Variants in VWA8 observed in about 807,000 individuals in gnomAD.
VWA8 encodes the protein von Willebrand factor A domain containing 8.
VWA8 carries 221 observed loss-of-function variants against 241.5 expected under a neutral mutation model. The ratio of observed to expected loss-of-function variants is 0.91; its 90% CI spans 0.82 to 1.02. VWA8 has a LOEUF of 1.02. VWA8 is among the 50% of genes least tolerant of loss of function. The pLI is 0.00. For synonymous variants in VWA8, 852 were observed against 827.1 expected, an observed-to-expected ratio of 1.03 and a Z score of -0.52; for missense variants, 2,322 against 2,328.7, an observed-to-expected ratio of 1.00 and a Z score of 0.06.
At chr13:41,637,529 G>A (rs1307481807) in intron 37 of VWA8, among the ~76,000 whole-genome samples, 3 of 151,360 alleles carry the variant, frequency 2.0e-5, no homozygotes, top group East Asian at 1.9e-4. Context: ...AAACCTGCAC[G>A]TTGTGCACAT....
chr13:41,920,509 T>C (rs896119283), intron 2 of VWA8, among the ~76,000 whole-genome samples: 5 of 152,112 alleles, frequency 3.3e-5, no homozygotes, highest in African/African-American at 1.2e-4. Flanking sequence ...AGCTGGTTTT[T>C]TGAAAAGATC....
chr13:41,871,743 G>T (rs1873630498), intron 9 of VWA8, among the ~76,000 whole-genome samples: 1 of 152,056 alleles, frequency 6.6e-6, no homozygotes, highest in African/African-American at 2.4e-5. Flanking sequence ...CTTTGCTATT[G>T]TGAATAGTGC....
chr13:41,868,320 G>A (rs781749600), intron 10 of VWA8, 26 bp downstream of exon 10: 1 of 1,612,364 alleles, frequency 6.2e-7, no homozygotes, highest in South Asian at 1.1e-5. Flanking sequence ...GTATATCATA[G>A]AAAGAATAAA....
Position 41,778,042 on chromosome 13 carries a change from C to T in VWA8, c.2292G>A (p.Met764Ile), listed in dbSNP as rs2137929223. The change falls in exon 20 of 45, where the codon ATG becomes ATA. Residue 764 changes from methionine to isoleucine, a missense_variant. Coordinates refer to ENST00000379310, the MANE Select transcript of VWA8 (RefSeq NM_015058.2). ...GGAGAAAGTCTTTCAGCATATCTTC[C>T]ATCACTATCACATGCTAGAGAAAAA... Reference protein sequence around the residue: ...FYDNIQHVIVMEDMLKDFLLG... With the variant: ...FYDNIQHVIVIEDMLKDFLLG... The T allele has an allele frequency of 6.2e-7, 1 of 1,611,774 alleles. No individual in the cohort carries two copies. The highest frequency in any genetic ancestry group is 2.2e-5 in the East Asian group (1 of 44,652).
In VWA8 at chr13:41,749,448, A is replaced by C. The variant is rs183811353; in HGVS notation, c.2426+11680T>G. Among the ~76,000 whole-genome samples the C allele has an allele frequency of 3.3e-5, 5 of 151,156 alleles. No individual in the cohort carries two copies. In the East Asian group the frequency reaches 9.8e-4, roughly 30 times the overall value. On this transcript the variant is annotated intron_variant, in intron 21 of 44. Coordinates refer to ENST00000379310, the MANE Select transcript of VWA8 (RefSeq NM_015058.2). The stretch of plus-strand genomic sequence containing the variant: ...CAACCATTGTGGAAGTCGGTGTGGC[A>C]ATTCCTCAGGGATCTAGAACTAGAA...
At chr13:41,948,837 G>A (rs1877980268) in intron 2 of VWA8, among the ~76,000 whole-genome samples, 1 of 151,842 alleles carries the variant, frequency 6.6e-6, no homozygotes, top group Non-Finnish European at 1.5e-5. Context: ...ATAGGAGAAT[G>A]GATAAACAAA....
chr13:41,913,498 G>C (rs1032685476), intron 2 of VWA8, among the ~76,000 whole-genome samples: 21 of 152,088 alleles, frequency 1.4e-4, no homozygotes, highest in Admixed American at 5.2e-4. Context: ...CTGAGGTCAC[G>C]GATTAGTTCA....
chr13:41,660,928 C>T (rs1432330424), intron 37 of VWA8, among the ~76,000 whole-genome samples: 2 of 151,038 alleles, frequency 1.3e-5, no homozygotes, highest in East Asian at 1.9e-4. Flanking sequence ...CAGGTTGGCA[C>T]GATTTCGGCT....
At chr13:41,760,857 A>G (rs767044914) in intron 21 of VWA8, among the ~76,000 whole-genome samples, 2 of 151,968 alleles carry the variant, frequency 1.3e-5, no homozygotes, top group Non-Finnish European at 2.9e-5. Flanking sequence ...AAGAGCCTTT[A>G]TGTTGATGAG....
intron 17 of VWA8, among the ~76,000 whole-genome samples, chr13:41,801,784 G>T (rs147803411): frequency 6.6e-6 from 1 of 152,324 alleles, no homozygotes; most frequent in African/African-American, 2.4e-5. Context: ...GGCAATAAGT[G>T]TAATAGTGCT....
chr13:41,820,391 G>C (rs546374287), intron 14 of VWA8, among the ~76,000 whole-genome samples: 2 of 152,148 alleles, frequency 1.3e-5, no homozygotes, highest in Non-Finnish European at 2.9e-5. Flanking sequence ...CAAGTGGAAA[G>C]AATCAGATGA....
At chr13:41,929,891 C>G (rs1169054238) in intron 2 of VWA8, among the ~76,000 whole-genome samples, 1 of 152,034 alleles carries the variant, frequency 6.6e-6, no homozygotes, top group African/African-American at 2.4e-5. Flanking sequence ...AGTGAGACTA[C>G]ATAAAACTAA....
At chr13:41,905,402 C>T (rs1458690016) in intron 4 of VWA8, among the ~76,000 whole-genome samples, 1 of 152,092 alleles carries the variant, frequency 6.6e-6, no homozygotes, top group Non-Finnish European at 1.5e-5. Flanking sequence ...TACATGAGCA[C>T]AAAGAGCTCT....
At chr13:41,724,486 C>T (rs997760413) in intron 24 of VWA8, among the ~76,000 whole-genome samples, 1 of 152,082 alleles carries the variant, frequency 6.6e-6, no homozygotes, top group South Asian at 2.1e-4. Flanking sequence ...AGAGCAGCAA[C>T]CTTCAAAAGG....
chr13:41,655,730 T>G (rs1466029688), intron 37 of VWA8, among the ~76,000 whole-genome samples: 5 of 152,204 alleles, frequency 3.3e-5, no homozygotes, highest in African/African-American at 1.2e-4. Context: ...CCTCAGAGGT[T>G]GAAGAATCAA....
At chr13:41,644,166 A>G (rs1484623061) in intron 37 of VWA8, among the ~76,000 whole-genome samples, 2 of 151,778 alleles carry the variant, frequency 1.3e-5, no homozygotes, top group Non-Finnish European at 2.9e-5. Context: ...TTTCCCAGGG[A>G]AGCAAGGTGA....
intron 37 of VWA8, among the ~76,000 whole-genome samples, chr13:41,634,030 C>T (rs1278119539): frequency 6.6e-6 from 1 of 152,102 alleles, no homozygotes; most frequent in Non-Finnish European, 1.5e-5. Flanking sequence ...CAGTGCCTGT[C>T]TTGGGAGGTT....
At chr13:41,848,491 G>A (rs1872385578) in intron 12 of VWA8, among the ~76,000 whole-genome samples, 1 of 152,124 alleles carries the variant, frequency 6.6e-6, no homozygotes, top group Non-Finnish European at 1.5e-5. Context: ...CTGGATCATG[G>A]GGGTGGTTTC....
intron 18 of VWA8, among the ~76,000 whole-genome samples, chr13:41,786,990 A>T (rs1388980941): frequency 2.0e-5 from 3 of 151,702 alleles, no homozygotes; most frequent in African/African-American, 7.3e-5. Flanking sequence ...GCATATTCTG[A>T]TTATTATTTT....
Sources: allele counts gnomAD v4.1 joint callset (sites outside exome capture counted in the v4.1 genomes callset), GRCh38; gene constraint gnomAD v4.1.1; transcripts MANE v1.5; gene names NCBI Gene and HGNC (gene_info 2026-07-23, HGNC 2026-07-21).